The following SPINK13 variants were observed in gnomAD, a reference collection of about 807,000 sequenced individuals.
SPINK13 encodes serine peptidase inhibitor Kazal type 13.
In SPINK13, 11 loss-of-function variants were observed where a neutral mutation model predicts 11.0. The ratio of observed to expected loss-of-function variants is 1.00; its 90% CI spans 0.63 to 1.65. The LOEUF (loss-of-function observed/expected upper bound fraction) is 1.65, where lower values mean the gene tolerates loss of function less well. Ranked by LOEUF, SPINK13 falls within the 40% of genes most tolerant of loss-of-function variation. The pLI is 0.00. For missense variants in SPINK13, 113 were observed against 117.7 expected, an observed-to-expected ratio of 0.96 and a Z score of 0.19; for synonymous variants, 31 against 35.6, an observed-to-expected ratio of 0.87 and a Z score of 0.46.
In SPINK13 at chr5:148,268,896, C is replaced by T. The variant is rs1756305000; in HGVS notation, c.-34+8C>T. The T allele has an allele frequency of 1.3e-5, 2 of 152,804 alleles. No individual in the cohort carries two copies. The highest frequency in any genetic ancestry group is 1.9e-4 in the East Asian group (1 of 5,196). 9.5% of individuals were successfully genotyped at this position (152,804 alleles called of 1,614,324 possible). A position where few individuals can be genotyped will look rare whatever the true frequency, so the allele number is the denominator to read the frequency against. On this transcript the variant is annotated splice_region_variant and intron_variant, in intron 1 of 4. Coordinates refer to ENST00000398450, the MANE Select transcript of SPINK13 (RefSeq NM_001040129.3). ...TTCAGCCACCTCATCCAGGTAACCA[C>T]TCTTTGACTTCTCTCTCCTTAGTCC...
chr5:148,285,901 C>A, intron 4 of SPINK13, 99 bp from the exon 5 acceptor site: 1 of 619,994 alleles, frequency 1.6e-6, no homozygotes, highest in Non-Finnish European at 2.7e-6. Flanking sequence ...AAAGCAGCTC[C>A]CTTTTCAGGA....
chr5:148,284,084 C>A (rs571558330), intron 4 of SPINK13, among the ~76,000 whole-genome samples: 11 of 151,952 alleles, frequency 7.2e-5, no homozygotes, highest in African/African-American at 2.4e-4. Flanking sequence ...GTTAAAGAAA[C>A]AATCCCTTCT....
At position 148,282,154 on chromosome 5, in the gene SPINK13, C is replaced by A; in HGVS notation, c.159C>A (p.Cys53Ter). 6.2e-7 allele frequency: 1 copy of A among 1,614,162 alleles called. No individual in the cohort carries two copies. Among genetic ancestry groups the A allele is most frequent in the Non-Finnish European group, 8.5e-7 (1 of 1,180,014 alleles). The change falls in exon 4 of 5, where the codon TGC becomes TGA. Residue 53 changes from cysteine (C) to a stop codon, truncating the protein, a stop_gained. Transcript: ENST00000398450. LOFTEE classifies it high-confidence loss of function. The part of the protein sequence containing the change: ...IPLDPDYNAD[C>*]PNVTAPVCAS... ...TGGACCCTGATTACAATGCAGACTG[C>A]CCCAATGTGACAGCACCTGTTTGTG...
At chr5:148,273,283 C>T (rs1240850158) in intron 2 of SPINK13, among the ~76,000 whole-genome samples, 1 of 147,912 alleles carries the variant, frequency 6.8e-6, no homozygotes, top group Non-Finnish European at 1.5e-5. Flanking sequence ...AAGTTGTTTT[C>T]ATTTTTAAGT....
chr5:148,285,043 T>C (rs1756570360), intron 4 of SPINK13, among the ~76,000 whole-genome samples: 1 of 152,162 alleles, frequency 6.6e-6, no homozygotes, highest in Non-Finnish European at 1.5e-5. Context: ...TTTGAAATCA[T>C]TGATAGAATT....
At chr5:148,276,359 T>G (rs541018114) in intron 3 of SPINK13, among the ~76,000 whole-genome samples, 1 of 152,376 alleles carries the variant, frequency 6.6e-6, no homozygotes, top group East Asian at 1.9e-4. Flanking sequence ...TTTTTAGTCA[T>G]GAAGTATTTG....
intron 3 of SPINK13, among the ~76,000 whole-genome samples, chr5:148,281,473 G>T (rs1011769287): frequency 6.6e-6 from 1 of 152,220 alleles, no homozygotes; most frequent in Non-Finnish European, 1.5e-5. Context: ...GAAAAGCATA[G>T]TATCTGGGCT....
At chr5:148,276,152 T>C (rs1413376893) in intron 3 of SPINK13, among the ~76,000 whole-genome samples, 4 of 152,208 alleles carry the variant, frequency 2.6e-5, no homozygotes, top group Non-Finnish European at 5.9e-5. Flanking sequence ...GTTGTTTTTT[T>C]CTTATAAATT....
At chr5:148,271,411 C>T (rs1335686950) in intron 2 of SPINK13, among the ~76,000 whole-genome samples, 1 of 152,082 alleles carries the variant, frequency 6.6e-6, no homozygotes. Flanking sequence ...TTCAATCAAC[C>T]AATTCTCTTG....
chr5:148,271,019 T>C (rs1260413067), intron 2 of SPINK13: 1 of 152,226 alleles, frequency 6.6e-6, no homozygotes, highest in East Asian at 1.9e-4. Context: ...TAAATTTGTG[T>C]TTTGTTAAGT....
chr5:148,276,617 G>A (rs573827953), intron 3 of SPINK13, among the ~76,000 whole-genome samples: 1 of 152,224 alleles, frequency 6.6e-6, no homozygotes, highest in South Asian at 2.1e-4. Context: ...TGGATGTGTG[G>A]TGTTATTTCT....
chr5:148,275,844 G>T (rs777382354), intron 3 of SPINK13, among the ~76,000 whole-genome samples: 15 of 151,842 alleles, frequency 9.9e-5, no homozygotes, highest in Non-Finnish European at 5.9e-5. Flanking sequence ...GTATTTTTTA[G>T]TAGAGACGGG....
At chr5:148,277,016 G>A (rs1756440436) in intron 3 of SPINK13, among the ~76,000 whole-genome samples, 1 of 152,112 alleles carries the variant, frequency 6.6e-6, no homozygotes, top group Non-Finnish European at 1.5e-5. Flanking sequence ...GTATTCCTAG[G>A]TATTTTATTC....
chr5:148,283,427 C>T (rs770447300), intron 4 of SPINK13, among the ~76,000 whole-genome samples: 3 of 152,150 alleles, frequency 2.0e-5, no homozygotes, highest in African/African-American at 4.8e-5. Context: ...TCCAAGGGCT[C>T]GTAGGTTATC....
intron 2 of SPINK13, among the ~76,000 whole-genome samples, chr5:148,272,162 C>A (rs551126713): frequency 6.6e-6 from 1 of 152,154 alleles, no homozygotes; most frequent in East Asian, 1.9e-4. Flanking sequence ...ATGTTAAGAG[C>A]AGAGCTGGTA....
chr5:148,275,812 C>T (rs1228142685), intron 3 of SPINK13, among the ~76,000 whole-genome samples: 2 of 152,108 alleles, frequency 1.3e-5, no homozygotes, highest in Non-Finnish European at 2.9e-5. Flanking sequence ...AGGCACCCGC[C>T]ACCAAGCCTG....
intron 2 of SPINK13, among the ~76,000 whole-genome samples, chr5:148,272,596 CTATT>C (rs1480168126): frequency 1.3e-5 from 2 of 152,096 alleles, no homozygotes; most frequent in Admixed American, 1.3e-4. Context: ...TTTCACTGAT[CTATT>C]TGTTTATCTT....
intron 3 of SPINK13, among the ~76,000 whole-genome samples, chr5:148,275,339 A>G (rs1756409622): frequency 6.6e-6 from 1 of 152,186 alleles, no homozygotes; most frequent in Admixed American, 6.5e-5. Flanking sequence ...GCTGCATAGT[A>G]TTCCATGGTA....
At chr5:148,269,660 T>C (rs1756317672) in intron 1 of SPINK13, among the ~76,000 whole-genome samples, 1 of 152,212 alleles carries the variant, frequency 6.6e-6, no homozygotes, top group African/African-American at 2.4e-5. Context: ...ATGAATTCTT[T>C]ACATGTCTGT....
Sources: allele counts gnomAD v4.1 joint callset (sites outside exome capture counted in the v4.1 genomes callset), GRCh38; gene constraint gnomAD v4.1.1; transcripts MANE v1.5; gene names NCBI Gene and HGNC (gene_info 2026-07-23, HGNC 2026-07-21).